CPNE4: variants seen among roughly 807,000 people sequenced by gnomAD.
CPNE4 encodes the protein copine-4.
In CPNE4, 25 loss-of-function variants were observed where a neutral mutation model predicts 67.9. That is an observed-to-expected ratio of 0.37 (90% CI 0.27 to 0.51). The LOEUF is 0.51. Among genes scored for constraint, CPNE4 ranks in the 20% least tolerant of loss-of-function variants. The probability of loss-of-function intolerance (pLI) is 0.93; values close to 1 mark genes in which losing one functional copy is unlikely to be tolerated. For missense variants in CPNE4, 464 were observed against 690.8 expected (o/e 0.67, Z 3.68); for synonymous variants, 242 against 244.9 (o/e 0.99, Z 0.11).
upstream of CPNE4, among the ~76,000 whole-genome samples, chr3:132,035,665 A>G (rs1265054389): frequency 6.6e-6 from 1 of 152,192 alleles, no homozygotes; most frequent in Non-Finnish European, 1.5e-5. Context: ...TGGCCTTCCT[A>G]TTTCAAACTT....
chr3:132,015,713 C>A (rs918986198), intron 1 of CPNE4, among the ~76,000 whole-genome samples: 1 of 152,198 alleles, frequency 6.6e-6, no homozygotes, highest in African/African-American at 2.4e-5. Context: ...CAACCTATAT[C>A]TCCCAAGCAA....
intron 6 of CPNE4, among the ~76,000 whole-genome samples, chr3:131,680,785 C>T (rs2080729909): frequency 6.6e-6 from 1 of 152,078 alleles, no homozygotes; most frequent in African/African-American, 2.4e-5. Flanking sequence ...GCAGTATACA[C>T]TGCACTCAGT....
intron 2 of CPNE4, among the ~76,000 whole-genome samples, chr3:131,841,953 T>A (rs998060616): frequency 6.6e-6 from 1 of 152,198 alleles, no homozygotes; most frequent in African/African-American, 2.4e-5. Context: ...TGTGTGCGTG[T>A]GTGTAAAACA....
rs1013998208 is a variant in CPNE4 at position 131,827,697 on chromosome 3, T to A, written c.180+77567A>T. 2.0e-5 allele frequency among the ~76,000 whole-genome samples: 3 copies of A among 151,956 alleles called. No individual in the cohort carries two copies. The South Asian group carries it at 6.2e-4, about 31-fold the overall frequency. On this transcript the variant is annotated intron_variant, in intron 2 of 15. Coordinates refer to ENST00000429747, the MANE Select transcript of CPNE4 (RefSeq NM_130808.3). ...ATAAGAAAAGGTCAACACCTTTGGG[T>A]GTTGGGATGGAAATGTAGGAAAGTA...
At chr3:131,763,509 A>G (rs1386075952) in intron 2 of CPNE4, among the ~76,000 whole-genome samples, 1 of 152,140 alleles carries the variant, frequency 6.6e-6, no homozygotes, top group Non-Finnish European at 1.5e-5. Flanking sequence ...ATAAGTGGCT[A>G]ATGTTCCCTG....
chr3:132,034,747 G>T lies in CPNE4; in HGVS notation c.-182C>A, dbSNP rs1215410169. 6 of 985,366 alleles carry T rather than the reference G, an allele frequency of 6.1e-6. No individual in the cohort carries two copies. The South Asian group carries it at 2.4e-4, about 39-fold the overall frequency. The allele number at this position is 985,366 out of a possible 1,614,324, so 61.0% of individuals were successfully genotyped here. ...CTCCGAGGTCAGTTTAGCAACAGCGGCTGGGAAAGGTGCTGAGAGCAGAGT... is the reference window on the plus strand; with the variant it reads ...CTCCGAGGTCAGTTTAGCAACAGCGTCTGGGAAAGGTGCTGAGAGCAGAGT... On this transcript the variant is annotated 5_prime_UTR_variant, in exon 1 of 16. Coordinates refer to ENST00000429747, the MANE Select transcript of CPNE4 (RefSeq NM_130808.3).
chr3:131,685,826 T>G (rs1475595533), intron 6 of CPNE4, 49 bp downstream of exon 6: 2 of 1,240,612 alleles, frequency 1.6e-6, no homozygotes, highest in Admixed American at 1.9e-5. Context: ...ATAGGTCAAT[T>G]TATCATCATC....
At chr3:131,770,606 G>C (rs2083142230) in intron 2 of CPNE4, among the ~76,000 whole-genome samples, 1 of 152,216 alleles carries the variant, frequency 6.6e-6, no homozygotes, top group Non-Finnish European at 1.5e-5. Flanking sequence ...CACTCTTCTA[G>C]AGGCCAGAGT....
Position 131,549,995 on chromosome 3 carries a change from C to T in CPNE4, c.1254G>A (p.Gln418=). The T allele has an allele frequency of 1.2e-6, 2 of 1,613,252 alleles. No individual in the cohort carries two copies. The highest frequency in any genetic ancestry group is 1.7e-6 in the Non-Finnish European group (2 of 1,179,438). ...CCTCTGACGCTGACTTGGCAACCTTCTGGATGATGGGGGCAATGTTGGTGG... is the reference window on the plus strand; with the variant it reads ...CCTCTGACGCTGACTTGGCAACCTTTTGGATGATGGGGGCAATGTTGGTGG... The part of the protein sequence containing the change: ...YGPTNIAPII[Q]KVAKSASEET... The change falls in exon 14 of 16, where the codon CAG becomes CAA. Residue 418 remains glutamine, a synonymous_variant. Coordinates refer to ENST00000429747, the MANE Select transcript of CPNE4 (RefSeq NM_130808.3).
rs141762012 is a variant in CPNE4 at position 131,739,378 on chromosome 3, G to C, written c.181-15753C>G. 1.1e-3 allele frequency among the ~76,000 whole-genome samples: 174 copies of C among 152,242 alleles called. 1 individual carries two copies. The highest frequency in any genetic ancestry group is 3.9e-3 in the African/African-American group (161 of 41,540). On this transcript the variant is annotated intron_variant, in intron 2 of 15. Transcript: ENST00000429747. Reference sequence around the variant, plus strand: ...GTCACTTCTTGCTCACAGAGAAAAGGCTCTCGTGTACATTTTCCCCTCTGT... The same window carrying C: ...GTCACTTCTTGCTCACAGAGAAAAGCCTCTCGTGTACATTTTCCCCTCTGT...
chr3:131,575,244 C>A, intron 9 of CPNE4, 114 bp from the exon 10 acceptor site: 1 of 815,868 alleles, frequency 1.2e-6, no homozygotes, highest in Non-Finnish European at 2.1e-6. Flanking sequence ...AAAGGGCAGA[C>A]AGACATCATT....
At chr3:131,913,739 C>A (rs1300533327) in intron 1 of CPNE4, among the ~76,000 whole-genome samples, 1 of 152,164 alleles carries the variant, frequency 6.6e-6, no homozygotes, top group Non-Finnish European at 1.5e-5. Context: ...TCTGAGGGGG[C>A]AAGAATTGCA....
chr3:131,939,485 T>C (rs767456320), intron 1 of CPNE4, among the ~76,000 whole-genome samples: 2 of 151,966 alleles, frequency 1.3e-5, no homozygotes, highest in Non-Finnish European at 2.9e-5. Flanking sequence ...ATTAACAGTG[T>C]ATATTCCGGG....
In CPNE4 at chr3:131,729,577, A is replaced by G. The variant is rs531146597; in HGVS notation, c.181-5952T>C. Among the ~76,000 whole-genome samples, 4 of 152,346 alleles carry G rather than the reference A, an allele frequency of 2.6e-5. No homozygotes were observed. In the East Asian group the frequency reaches 5.8e-4, roughly 22 times the overall value. On this transcript the variant is annotated intron_variant, in intron 2 of 15. Coordinates refer to ENST00000429747, the MANE Select transcript of CPNE4 (RefSeq NM_130808.3). ...TGCAGATCTCAAAATCACTCAACAGAGAGAGATAGGTTGGTGCTGATGAGA... is the reference window on the plus strand; with the variant it reads ...TGCAGATCTCAAAATCACTCAACAGGGAGAGATAGGTTGGTGCTGATGAGA...
intron 7 of CPNE4, among the ~76,000 whole-genome samples, chr3:131,653,438 G>A (rs1010100991): frequency 2.0e-5 from 3 of 151,968 alleles, no homozygotes; most frequent in African/African-American, 4.8e-5. Flanking sequence ...GTGAGCCACC[G>A]CGCCTGGCCA....
intron 1 of CPNE4, among the ~76,000 whole-genome samples, chr3:132,015,668 C>CA (rs748646912): frequency 3.3e-5 from 5 of 152,052 alleles, no homozygotes; most frequent in Non-Finnish European, 7.4e-5. Context: ...TACTCGAGGA[C>CA]AAAAATCAAA....
chr3:131,952,607 C>G (rs1325406579), intron 1 of CPNE4, among the ~76,000 whole-genome samples: 22 of 119,380 alleles, frequency 1.8e-4, no homozygotes, highest in African/African-American at 6.6e-4. Flanking sequence ...CCGCCCCGTC[C>G]GGAGGGAGGT....
At chr3:131,699,859 G>T (rs1211288753) in intron 4 of CPNE4, 50 bp downstream of exon 4, 1 of 1,536,682 alleles carries the variant, frequency 6.5e-7, no homozygotes, top group Non-Finnish European at 9.0e-7. Flanking sequence ...TGGCCAGTCC[G>T]CCCAGGCTCT....
chr3:131,640,022 G>A (rs1363016106), intron 7 of CPNE4, among the ~76,000 whole-genome samples: 1 of 152,096 alleles, frequency 6.6e-6, no homozygotes, highest in African/African-American at 2.4e-5. Flanking sequence ...GGTAATAAAA[G>A]CCATCTATGA....
Sources: gnomAD v4.1 joint callset for allele counts (sites outside exome capture counted in the v4.1 genomes callset) on GRCh38, gnomAD v4.1.1 for gene constraint, MANE v1.5 for transcripts, NCBI Gene and HGNC (gene_info 2026-07-23, HGNC 2026-07-21) for gene names.